The following TRAIP variants were observed in gnomAD, a reference collection of about 807,000 sequenced individuals.
The protein encoded by TRAIP is TRAF interacting protein.
A neutral mutation model predicts 65.0 loss-of-function variants in TRAIP; 37 were observed. That is an observed-to-expected ratio of 0.57 (90% CI 0.44 to 0.75). TRAIP has a LOEUF of 0.75. Ranked by LOEUF, TRAIP falls within the 30% of genes least tolerant of loss-of-function variation. TRAIP has a pLI of 0.00. For synonymous variants in TRAIP, 187 were observed against 219.1 expected (o/e 0.85, Z 1.29); for missense variants, 481 against 579.4 (o/e 0.83, Z 1.74).
At chr3:49,851,095 A>G (rs2081927054) in intron 1 of TRAIP, among the ~76,000 whole-genome samples, 1 of 150,816 alleles carries the variant, frequency 6.6e-6, no homozygotes, top group Non-Finnish European at 1.5e-5. Flanking sequence ...TGATCACCTC[A>G]GCATCCTGGG....
At chr3:49,835,177 C>T (rs1245282739) in intron 10 of TRAIP, among the ~76,000 whole-genome samples, 1 of 152,178 alleles carries the variant, frequency 6.6e-6, no homozygotes, top group Admixed American at 6.5e-5. Context: ...CACTGCACTC[C>T]AGCCTGGGCA....
chr3:49,833,554 A>C (rs2081754534), intron 10 of TRAIP, among the ~76,000 whole-genome samples: 1 of 149,586 alleles, frequency 6.7e-6, no homozygotes, highest in Non-Finnish European at 1.5e-5. Context: ...ATCTCGGCTC[A>C]CTGCAAGCTC....
Position 49,842,526 on chromosome 3 carries a change from G to C in TRAIP, c.430C>G (p.Gln144Glu). The C allele has an allele frequency of 6.2e-7, 1 of 1,613,770 alleles. No individual in the cohort carries two copies. Residue 144 changes from glutamine to glutamate, a missense_variant, in exon 6 of 15, where the codon CAG becomes GAG. Physicochemically the swap from Gln to Glu is conservative, Grantham distance 29. Coordinates refer to ENST00000331456, the MANE Select transcript of TRAIP (RefSeq NM_005879.3). ...GCTTGTTTGGTCTCATCCTGCTGCT[G>C]CTCTAAGTACTTCATCTGCTTCTGA... is the stretch of plus-strand genomic sequence containing the variant. ...TLKKQMKYLE[Q>E]QQDETKQAQE...
intron 1 of TRAIP, among the ~76,000 whole-genome samples, chr3:49,853,569 G>T (rs10865959): frequency 2.0e-5 from 3 of 152,054 alleles, no homozygotes; most frequent in Non-Finnish European, 2.9e-5. Context: ...AGATAGGCCA[G>T]GCACGGTAGC....
At chr3:49,830,338 C>A (rs151051255) in intron 11 of TRAIP, among the ~76,000 whole-genome samples, 1 of 152,202 alleles carries the variant, frequency 6.6e-6, no homozygotes, top group Non-Finnish European at 1.5e-5. Flanking sequence ...CAAATTCCAA[C>A]GCTCCTCAAG....
Position 49,847,385 on chromosome 3 carries a change from AAAAAG to A in TRAIP, c.240+135_240+139del, listed in dbSNP as rs746867614. On this transcript the variant is annotated intron_variant, in intron 3 of 14. Coordinates refer to ENST00000331456, the MANE Select transcript of TRAIP (RefSeq NM_005879.3). ...CAACAAAGTAAGACCCTGTCTCTAA[AAAAAG>A]AAAAGAAAAGAAAAGAAAAGAAAAG... 2.7e-3 allele frequency: 1,722 copies of A among 642,154 alleles called. 12 individuals carry two copies. The highest frequency in any genetic ancestry group is 0.017 in the Middle Eastern group (39 of 2,262). 39.8% of individuals were successfully genotyped at this position (642,154 alleles called of 1,614,324 possible).
chr3:49,831,557 T>C (rs1041081122), intron 11 of TRAIP, among the ~76,000 whole-genome samples: 2 of 152,198 alleles, frequency 1.3e-5, no homozygotes, highest in African/African-American at 2.4e-5. Flanking sequence ...GAGGCAAACA[T>C]AGAAGAGGAA....
chr3:49,840,181 AC>A (rs2081826948), intron 9 of TRAIP, 102 bp downstream of exon 9: 4 of 1,096,586 alleles, frequency 3.6e-6, no homozygotes, highest in Non-Finnish European at 4.1e-6. Context: ...GCCCAGAACC[AC>A]CACTGACTGG....
intron 1 of TRAIP, among the ~76,000 whole-genome samples, chr3:49,855,694 A>T (rs2081964377): frequency 6.6e-6 from 1 of 151,902 alleles, no homozygotes; most frequent in South Asian, 2.1e-4. Context: ...GCCCCACAAG[A>T]CCCTGTGATT....
intron 9 of TRAIP, 76 bp downstream of exon 9, chr3:49,840,208 C>A: frequency 7.5e-7 from 1 of 1,338,132 alleles, no homozygotes; most frequent in Non-Finnish European, 1.1e-6. Flanking sequence ...GGGTCCTGGG[C>A]AGAGATAGCC....
At chr3:49,835,747 G>C (rs1420358916) in intron 10 of TRAIP, among the ~76,000 whole-genome samples, 1 of 151,764 alleles carries the variant, frequency 6.6e-6, no homozygotes, top group Non-Finnish European at 1.5e-5. Context: ...AGACCATCCT[G>C]GCTAACACGG....
chr3:49,843,567 C>A, intron 5 of TRAIP: 3 of 465,734 alleles, frequency 6.4e-6, no homozygotes, highest in South Asian at 8.7e-5. Flanking sequence ...GGCCTTGACT[C>A]TTCAAACTAC....
At chr3:49,848,980 G>A (rs1305838385) in intron 1 of TRAIP, among the ~76,000 whole-genome samples, 1 of 151,846 alleles carries the variant, frequency 6.6e-6, no homozygotes, top group African/African-American at 2.4e-5. Flanking sequence ...CCAGGTAGCT[G>A]GGATTACAGG....
chr3:49,836,578 C>T lies in TRAIP; in HGVS notation c.884+3194G>A, dbSNP rs375712142. ...GCAAAGCGGTGGCTCACGCCTGTAACCCAGCACTTTGGGAAGCCCAGGCAG... is the reference window on the plus strand; with the variant it reads ...GCAAAGCGGTGGCTCACGCCTGTAATCCAGCACTTTGGGAAGCCCAGGCAG... On this transcript the variant is annotated intron_variant, in intron 10 of 14. Transcript: ENST00000331456. Among the ~76,000 whole-genome samples the T allele has an allele frequency of 1.2e-4, 18 of 152,202 alleles. No individual in the cohort carries two copies. In the East Asian group the frequency reaches 2.5e-3, roughly 21 times the overall value.
chr3:49,847,411 A>G, intron 3 of TRAIP, 114 bp downstream of exon 3: 2 of 744,670 alleles, frequency 2.7e-6, no homozygotes, highest in Non-Finnish European at 4.4e-6. Flanking sequence ...AAAAGAAAAG[A>G]AAAGAGAAAA....
At chr3:49,842,231 A>C (rs1207015748) in intron 6 of TRAIP, among the ~76,000 whole-genome samples, 1 of 152,206 alleles carries the variant, frequency 6.6e-6, no homozygotes, top group African/African-American at 2.4e-5. Flanking sequence ...GGCAGCAGAG[A>C]CAGGGAGGAA....
At chr3:49,834,551 C>G (rs1319507204) in intron 10 of TRAIP, among the ~76,000 whole-genome samples, 3 of 152,212 alleles carry the variant, frequency 2.0e-5, no homozygotes, top group Non-Finnish European at 4.4e-5. Context: ...GGCAGTTAGG[C>G]TGCTGCCCTG....
At chr3:49,839,900 G>A (rs772726489) in intron 9 of TRAIP, 40 bp from the exon 10 acceptor site, 4 of 1,593,350 alleles carry the variant, frequency 2.5e-6, no homozygotes, top group Admixed American at 1.7e-5. Context: ...GAAAGGCTGA[G>A]GCATCAAGTC....
chr3:49,836,490 C>CA, intron 10 of TRAIP, among the ~76,000 whole-genome samples: 1 of 150,000 alleles, frequency 6.7e-6, no homozygotes, highest in East Asian at 2.0e-4. Flanking sequence ...GACACTGTTT[C>CA]AAAAAAAAGA....
Sources: allele counts gnomAD v4.1 joint callset (sites outside exome capture counted in the v4.1 genomes callset), GRCh38; gene constraint gnomAD v4.1.1; transcripts MANE v1.5; gene names NCBI Gene and HGNC (gene_info 2026-07-23, HGNC 2026-07-21).